Variants in COL4A6 observed in about 807,000 individuals in gnomAD.
The protein encoded by COL4A6 is collagen alpha-6(IV) chain.
A neutral mutation model predicts 126.7 loss-of-function variants in COL4A6; 59 were observed. The observed-to-expected ratio is 0.47, with a 90% CI of 0.38 to 0.58. COL4A6 has a LOEUF of 0.58. Ranked by LOEUF, COL4A6 falls within the 20% of genes least tolerant of loss-of-function variation. COL4A6 has a pLI of 0.00. For missense variants in COL4A6, 1,285 were observed against 1,337.3 expected, an observed-to-expected ratio of 0.96 and a Z score of 0.61; for synonymous variants, 547 against 496.6, an observed-to-expected ratio of 1.10 and a Z score of -1.35.
intron 3 of COL4A6, among the ~76,000 whole-genome samples, chrX:108,264,052 A>G (rs2037234898): frequency 9.0e-6 from 1 of 111,423 alleles, no homozygotes; most frequent in African/African-American, 3.3e-5. Flanking sequence ...AATGACTTCT[A>G]GAGAGTCCTT....
Position 108,165,001 on chromosome X carries a change from C to T in COL4A6, c.3846G>A (p.Gly1282=). Residue 1282 remains glycine (G), a synonymous_variant, in exon 39 of 45, where the codon GGG becomes GGA. Transcript: ENST00000334504. ...PGPAGPPGPP[G]PSSNQGDTGD... is the part of the protein sequence containing the mutation. Reference sequence around the variant, plus strand: ...CGGTGTCGCCTTGATTCGAGGATGGCCCAGGGGGACCTGGGGGTCCAGCGG... The same window carrying T: ...CGGTGTCGCCTTGATTCGAGGATGGTCCAGGGGGACCTGGGGGTCCAGCGG... 1.7e-6 allele frequency: 2 copies of T among 1,209,462 alleles called. No homozygotes were observed. Among genetic ancestry groups the T allele is most frequent in the Non-Finnish European group, 2.2e-6 (2 of 894,802 alleles).
intron 16 of COL4A6, 146 bp downstream of exon 16, chrX:108,194,388 G>A (rs2035146369): frequency 1.8e-6 from 1 of 565,969 alleles, no homozygotes; most frequent in Non-Finnish European, 2.8e-6. Context: ...AGCTTTGTGT[G>A]TTCAAAGCAG....
intron 2 of COL4A6, among the ~76,000 whole-genome samples, chrX:108,415,719 C>T (rs773462088): frequency 1.8e-5 from 2 of 112,197 alleles, no homozygotes; most frequent in Non-Finnish European, 3.8e-5. Context: ...TTACTAGTTG[C>T]AAAAAGCAAC....
At chrX:108,169,282 T>G (rs1441828261) in intron 37 of COL4A6, among the ~76,000 whole-genome samples, 1 of 112,071 alleles carries the variant, frequency 8.9e-6, no homozygotes. Context: ...AAAATGGACT[T>G]GGTGAACTGT....
chrX:108,387,060 G>A lies in COL4A6; in HGVS notation c.63+50882C>T, dbSNP rs141343041. Reference sequence around the variant, plus strand: ...GTGTTATTTCTGAGGCCTCTGTTCTGTTCCATTGGTCTATATATATTTTGG... The same window carrying A: ...GTGTTATTTCTGAGGCCTCTGTTCTATTCCATTGGTCTATATATATTTTGG... On this transcript the variant is annotated intron_variant, in intron 2 of 44. Coordinates refer to ENST00000334504, the MANE Select transcript of COL4A6 (RefSeq NM_033641.4). 2.9e-3 allele frequency among the ~76,000 whole-genome samples: 323 copies of A among 111,469 alleles called. 1 individual carries two copies. The highest frequency in any genetic ancestry group is 4.1e-3 in the Non-Finnish European group (220 of 53,075).
chrX:108,179,981 C>G (rs951495023), intron 25 of COL4A6, among the ~76,000 whole-genome samples: 8 of 110,293 alleles, frequency 7.3e-5, no homozygotes, highest in African/African-American at 2.6e-4. Context: ...ATTTGCATTT[C>G]CATCAAGTTC....
chrX:108,249,153 G>A (rs148505060), intron 3 of COL4A6, among the ~76,000 whole-genome samples: 1,714 of 110,480 alleles, frequency 0.016, 14 homozygotes, highest in Non-Finnish European at 0.025. Flanking sequence ...ATATCATCCC[G>A]AAACCACCCC....
intron 3 of COL4A6, among the ~76,000 whole-genome samples, chrX:108,278,582 A>G (rs1288609299): frequency 2.7e-5 from 3 of 110,865 alleles, no homozygotes; most frequent in Non-Finnish European, 5.7e-5. Flanking sequence ...GATATTATCC[A>G]GGAGAACTAC....
chrX:108,420,197 C>T (rs1300572545), intron 2 of COL4A6, among the ~76,000 whole-genome samples: 2 of 111,383 alleles, frequency 1.8e-5, no homozygotes. Flanking sequence ...CAAAGCTGAC[C>T]AATGGTGTAT....
intron 3 of COL4A6, among the ~76,000 whole-genome samples, chrX:108,278,536 G>A (rs1276607800): frequency 1.8e-5 from 2 of 110,744 alleles, no homozygotes; most frequent in African/African-American, 3.3e-5. Context: ...TGAAAGTGAC[G>A]GGGAGAATGC....
chrX:108,417,790 T>C lies in COL4A6; in HGVS notation c.63+20152A>G, dbSNP rs187481566. On this transcript the variant is annotated intron_variant, in intron 2 of 44. Transcript: ENST00000334504. The stretch of plus-strand genomic sequence containing the variant: ...CATACATGTATTTTGTTTCATAAAA[T>C]TATCAAATATTCTACATTCTTCCCT... Among the ~76,000 whole-genome samples, 17 of 112,144 alleles carry C rather than the reference T, an allele frequency of 1.5e-4. No individual in the cohort carries two copies. In the East Asian group the frequency reaches 4.5e-3, roughly 30 times the overall value.
chrX:108,263,875 C>T (rs1406441070), intron 3 of COL4A6, among the ~76,000 whole-genome samples: 4 of 111,550 alleles, frequency 3.6e-5, no homozygotes, highest in Middle Eastern at 9.2e-3. Context: ...GCTGACCCTC[C>T]GTGTTTTCAT....
chrX:108,409,300 A>G (rs2041279603), intron 2 of COL4A6, among the ~76,000 whole-genome samples: 1 of 112,132 alleles, frequency 8.9e-6, no homozygotes, highest in Non-Finnish European at 1.9e-5. Context: ...TGTAGCCAAT[A>G]GAGGTTCCCA....
intron 3 of COL4A6, among the ~76,000 whole-genome samples, chrX:108,293,135 G>A (rs984090866): frequency 1.8e-5 from 2 of 109,660 alleles, no homozygotes; most frequent in African/African-American, 3.3e-5. Flanking sequence ...GTACTTTAGT[G>A]TTTTGGGAGG....
intron 2 of COL4A6, among the ~76,000 whole-genome samples, chrX:108,429,844 C>G (rs1002498176): frequency 1.8e-5 from 2 of 111,655 alleles, no homozygotes; most frequent in African/African-American, 6.5e-5. Flanking sequence ...TGATATTTTT[C>G]CATCAATTCA....
intron 3 of COL4A6, among the ~76,000 whole-genome samples, chrX:108,301,180 CAT>C (rs1248761690): frequency 8.9e-6 from 1 of 112,275 alleles, no homozygotes; most frequent in African/African-American, 3.2e-5. Context: ...TTCATCTCCA[CAT>C]GTTTCTAACT....
intron 2 of COL4A6, among the ~76,000 whole-genome samples, chrX:108,362,682 T>C (rs1416014902): frequency 8.9e-6 from 1 of 112,468 alleles, no homozygotes; most frequent in Non-Finnish European, 1.9e-5. Flanking sequence ...TTTCCTTATA[T>C]TGAATTAAAA....
intron 2 of COL4A6, among the ~76,000 whole-genome samples, chrX:108,396,479 G>GCT (rs925431757): frequency 1.8e-5 from 2 of 111,620 alleles, no homozygotes; most frequent in Non-Finnish European, 3.8e-5. Context: ...GGACAGAGGT[G>GCT]CTCTCTCTCA....
At chrX:108,399,422 T>A (rs1196000022) in intron 2 of COL4A6, among the ~76,000 whole-genome samples, 1 of 111,469 alleles carries the variant, frequency 9.0e-6, no homozygotes, top group Non-Finnish European at 1.9e-5. Context: ...CATTCTAGAT[T>A]GGTATAAATT....
Sources: allele counts gnomAD v4.1 joint callset (sites outside exome capture counted in the v4.1 genomes callset), GRCh38; gene constraint gnomAD v4.1.1; transcripts MANE v1.5; gene names NCBI Gene and HGNC (gene_info 2026-07-23, HGNC 2026-07-21).